RANBP2: variants seen among roughly 807,000 people sequenced by gnomAD.
RANBP2 encodes RAN binding protein 2, also known as E3 SUMO-protein ligase RanBP2.
A neutral mutation model predicts 303.6 loss-of-function variants in RANBP2; 57 were observed. That is an observed-to-expected ratio of 0.19 (90% CI 0.15 to 0.23). The LOEUF (loss-of-function observed/expected upper bound fraction) is 0.23. Among genes scored for constraint, RANBP2 ranks in the 10% least tolerant of loss-of-function variants. The probability of loss-of-function intolerance (pLI) is 1.00; values close to 1 mark genes in which losing one functional copy is unlikely to be tolerated. For missense variants in RANBP2, 3,138 were observed against 3,780.8 expected (o/e 0.83, Z 4.46); for synonymous variants, 1,167 against 1,301.5 (o/e 0.90, Z 2.23).
chr2:109,396,589 G>T, the RANBP2 span, among the ~76,000 whole-genome samples: 4 of 152,176 alleles, frequency 2.6e-5, no homozygotes, highest in African/African-American at 9.7e-5. Flanking sequence ...ACTCATCAAG[G>T]TGCTACCAGC....
At chr2:109,437,022 C>T in the RANBP2 span, 12 of 1,613,766 alleles carry the variant, frequency 7.4e-6, no homozygotes, top group South Asian at 2.2e-5. Context: ...CCACCAGGCC[C>T]GCCCTGCCCA....
the RANBP2 span, among the ~76,000 whole-genome samples, chr2:108,854,536 G>A: frequency 6.6e-6 from 1 of 152,114 alleles, no homozygotes; most frequent in African/African-American, 2.4e-5. Flanking sequence ...TTAAGAGTTG[G>A]TTTTACCTGA....
the RANBP2 span, among the ~76,000 whole-genome samples, chr2:109,162,290 GGC>G: frequency 6.6e-6 from 1 of 152,224 alleles, no homozygotes; most frequent in Non-Finnish European, 1.5e-5. Flanking sequence ...ATTCCTAAAA[GGC>G]GCTGGTGTAA....
the RANBP2 span, among the ~76,000 whole-genome samples, chr2:109,600,849 C>T: frequency 7.2e-5 from 11 of 152,196 alleles, no homozygotes; most frequent in Non-Finnish European, 1.6e-4. Flanking sequence ...ACCCCCATCT[C>T]GGGTTCAATT....
the RANBP2 span, among the ~76,000 whole-genome samples, chr2:109,489,743 G>A: frequency 8.7e-5 from 11 of 127,010 alleles, no homozygotes; most frequent in Admixed American, 4.5e-4. Context: ...TTTTTGGCGG[G>A]GGGTGGGCGG....
At chr2:109,501,785 C>G in the RANBP2 span, 2 of 628,352 alleles carry the variant, frequency 3.2e-6, no homozygotes, top group East Asian at 2.7e-5. Context: ...TCCAAGGCAC[C>G]TGGCGGGGGA....
At chr2:109,669,190 C>T in the RANBP2 span, among the ~76,000 whole-genome samples, 1,034 of 152,232 alleles carry the variant, frequency 6.8e-3, 11 homozygotes, top group African/African-American at 0.024. Context: ...ATGGATTAAA[C>T]ACTTATGCTG....
At chr2:109,619,487 A>T in the RANBP2 span, among the ~76,000 whole-genome samples, 45 of 152,234 alleles carry the variant, frequency 3.0e-4, no homozygotes, top group African/African-American at 1.1e-3. Flanking sequence ...GCTTCCTGTG[A>T]TCTGTATTTT....
the RANBP2 span, chr2:109,398,502 A>G: frequency 8.4e-7 from 1 of 1,197,242 alleles, no homozygotes; most frequent in Non-Finnish European, 1.2e-6. Flanking sequence ...CAGTTTGTGA[A>G]TGGAAATGTG....
the RANBP2 span, among the ~76,000 whole-genome samples, chr2:109,393,166 C>G: frequency 6.6e-6 from 1 of 152,210 alleles, no homozygotes; most frequent in African/African-American, 2.4e-5. Flanking sequence ...GCTTTAAGGC[C>G]AGCAACCAGC....
At chr2:108,990,360 A>C in the RANBP2 span, among the ~76,000 whole-genome samples, 1 of 147,142 alleles carries the variant, frequency 6.8e-6, no homozygotes, top group African/African-American at 2.5e-5. Context: ...GAACCCGGGA[A>C]GCGGAGCTTG....
At chr2:108,833,638 GAAAGAT>G in the RANBP2 span, among the ~76,000 whole-genome samples, 1 of 151,684 alleles carries the variant, frequency 6.6e-6, no homozygotes, top group Non-Finnish European at 1.5e-5. Context: ...AAAGCAAAGT[GAAAGAT>G]ACCAGTACTT....
chr2:109,193,179 TGGAATCAG>T, the RANBP2 span, among the ~76,000 whole-genome samples: 15 of 152,348 alleles, frequency 9.8e-5, 1 homozygote, highest in East Asian at 2.5e-3. Flanking sequence ...TTAAGAGAAC[TGGAATCAG>T]GGCAAATTGT....
the RANBP2 span, chr2:109,618,730 CTA>C: frequency 2.4e-5 from 4 of 167,054 alleles, no homozygotes; most frequent in South Asian, 2.1e-4. Flanking sequence ...TGATATGAGA[CTA>C]TGTGGTTAAA....
downstream of RANBP2, chr2:108,786,719 C>CT (rs1193227903): frequency 5.6e-5 from 62 of 1,110,276 alleles, no homozygotes; most frequent in African/African-American, 9.6e-4. Flanking sequence ...CCGTGCGTGC[C>CT]TCGGGGGGGC....
At chr2:109,062,262 C>T in the RANBP2 span, among the ~76,000 whole-genome samples, 21 of 152,338 alleles carry the variant, frequency 1.4e-4, no homozygotes, top group Non-Finnish European at 2.5e-4. Context: ...ACATGTTACT[C>T]TTCCTACCAG....
chr2:109,111,608 TAG>T, the RANBP2 span, among the ~76,000 whole-genome samples: 1 of 148,872 alleles, frequency 6.7e-6, no homozygotes, highest in Non-Finnish European at 1.5e-5. Flanking sequence ...TTTTTTTTTT[TAG>T]GTTTTTTTTA....
the RANBP2 span, among the ~76,000 whole-genome samples, chr2:109,686,957 G>A: frequency 5.5e-4 from 83 of 152,206 alleles, 1 homozygote; most frequent in Non-Finnish European, 9.3e-4. Flanking sequence ...ACATAAAGTT[G>A]TTTTCATTCC....
At chr2:108,939,850 A>G in the RANBP2 span, among the ~76,000 whole-genome samples, 2 of 152,272 alleles carry the variant, frequency 1.3e-5, no homozygotes, top group East Asian at 3.9e-4. Context: ...CCTCCCCCAG[A>G]CCCAGCCATT....
Sources: allele counts gnomAD v4.1 joint callset (sites outside exome capture counted in the v4.1 genomes callset), GRCh38; gene constraint gnomAD v4.1.1; transcripts MANE v1.5; gene names NCBI Gene and HGNC (gene_info 2026-07-23, HGNC 2026-07-21).